ZFHX4: variants seen among roughly 807,000 people sequenced by gnomAD.
ZFHX4 encodes the protein zinc finger homeobox protein 4.
ZFHX4 carries 56 observed loss-of-function variants against 267.6 expected under a neutral mutation model. That is an observed-to-expected ratio of 0.21 (90% confidence interval 0.17 to 0.26). The LOEUF (loss-of-function observed/expected upper bound fraction) is 0.26. ZFHX4 is among the 10% of genes least tolerant of loss of function. The pLI, the probability that ZFHX4 is intolerant of heterozygous loss-of-function variation, is 1.00. For missense variants in ZFHX4, 4,332 were observed against 4,420.0 expected, an observed-to-expected ratio of 0.98 and a Z score of 0.56; for synonymous variants, 1,778 against 1,665.6, an observed-to-expected ratio of 1.07 and a Z score of -1.64.
rs569676669 is a variant in ZFHX4, at chr8:76,852,272, C to A, written c.5351C>A (p.Thr1784Asn). The change falls in exon 10 of 11, where the codon ACC becomes AAC. Residue 1784 changes from threonine to asparagine, a missense_variant. Thr to Asn is a moderately conservative substitution (Grantham distance 65, BLOSUM62 0). Coordinates refer to ENST00000651372, the MANE Select transcript of ZFHX4 (RefSeq NM_024721.5). Reference protein sequence around the residue: ...LLEDLKQQIQTQHHVGQTQLQ... With the variant: ...LLEDLKQQIQNQHHVGQTQLQ... ...GAAGACCTAAAGCAGCAGATTCAAA[C>A]CCAACATCACGTTGGTCAAACTCAA... The A allele has an allele frequency of 7.1e-5, 112 of 1,583,194 alleles. No homozygotes were observed. The South Asian group carries it at 1.2e-3, about 17-fold the overall frequency.
At chr8:76,801,885 A>G (rs1023953855) in intron 4 of ZFHX4, among the ~76,000 whole-genome samples, 5 of 152,180 alleles carry the variant, frequency 3.3e-5, no homozygotes, top group Non-Finnish European at 7.3e-5. Flanking sequence ...CTCAACCTAT[A>G]GCTGGACCAT....
Position 76,768,563 on chromosome 8 carries a change from TA to T in ZFHX4, c.3094-9642del, listed in dbSNP as rs1265334644. On this transcript the variant is annotated intron_variant, in intron 3 of 10. Coordinates refer to ENST00000651372, the MANE Select transcript of ZFHX4 (RefSeq NM_024721.5). The stretch of plus-strand genomic sequence containing the variant: ...AGATGCCTGGAGCAGGGAAGAGAAA[TA>T]AATCTGAGGGGGCACCCATGTGTCT... Among the ~76,000 whole-genome samples the T allele has an allele frequency of 3.9e-5, 6 of 152,162 alleles. No homozygotes were observed. The South Asian group carries it at 1.2e-3, about 32-fold the overall frequency.
At chr8:76,756,986 T>C (rs1230781291) in intron 3 of ZFHX4, among the ~76,000 whole-genome samples, 4 of 152,144 alleles carry the variant, frequency 2.6e-5, no homozygotes, top group African/African-American at 4.8e-5. Flanking sequence ...ATTTTTCCAA[T>C]AGCAGTGAAA....
At position 76,855,918 on chromosome 8, in the gene ZFHX4, A is replaced by G; in HGVS notation, c.8997A>G (p.Gln2999=). The G allele has an allele frequency of 6.2e-7, 1 of 1,613,876 alleles. No homozygotes were observed. Among genetic ancestry groups the G allele is most frequent in the South Asian group, 1.1e-5 (1 of 91,076 alleles). ...INIGKPFMIN[Q]GGTEGTKPEC... ...TAGGGAAGCCTTTCATGATCAATCAAGGCGGAACGGAAGGCACCAAACCAG... is the reference window on the plus strand; with the variant it reads ...TAGGGAAGCCTTTCATGATCAATCAGGGCGGAACGGAAGGCACCAAACCAG... Residue 2999 remains glutamine (Q), a synonymous_variant, in exon 10 of 11, where the codon CAA becomes CAG. Transcript: ENST00000651372.
chr8:76,707,648 A>G lies in ZFHX4; in HGVS notation c.2693A>G (p.Asp898Gly). 1 of 1,613,706 alleles carries G rather than the reference A, an allele frequency of 6.2e-7. No homozygotes were observed. Among genetic ancestry groups the G allele is most frequent in the Non-Finnish European group, 8.5e-7 (1 of 1,179,854 alleles). Residue 898 changes from aspartate to glycine, a missense_variant, in exon 3 of 11, where the codon GAC (aspartate) becomes GGC (glycine). Physicochemically the swap from Asp to Gly is moderately conservative, Grantham distance 94. Coordinates refer to ENST00000651372, the MANE Select transcript of ZFHX4 (RefSeq NM_024721.5). ...GGAGAGCTGTCACCTTATATCAGTG[A>G]CCCAGCGCTGAAGCTATTCCAGTGT... ...TAGELSPYIS[D>G]PALKLFQCAV...
At chr8:76,683,703 G>GT (rs1290443410) in intron 1 of ZFHX4, 1,436 of 141,650 alleles carry the variant, frequency 0.01, 6 homozygotes, top group Non-Finnish European at 0.014. Context: ...ACAGAGGAGG[G>GT]TTTTTTTTTT....
chr8:76,748,572 G>A (rs576876177), intron 3 of ZFHX4, among the ~76,000 whole-genome samples: 1 of 152,132 alleles, frequency 6.6e-6, no homozygotes, highest in African/African-American at 2.4e-5. Context: ...GTAGCTGGGG[G>A]TACAGGCACA....
chr8:76,841,704 C>A (rs1194525171), intron 5 of ZFHX4, among the ~76,000 whole-genome samples: 1 of 152,126 alleles, frequency 6.6e-6, no homozygotes, highest in African/African-American at 2.4e-5. Context: ...TTATGTAATT[C>A]CTACCTGAAC....
At chr8:76,709,251 A>G (rs1186575237) in intron 3 of ZFHX4, among the ~76,000 whole-genome samples, 1 of 152,112 alleles carries the variant, frequency 6.6e-6, no homozygotes, top group Non-Finnish European at 1.5e-5. Flanking sequence ...AATCCTAACG[A>G]CTCAGTGTGA....
At chr8:76,860,408 C>T (rs1812835183) in intron 10 of ZFHX4, among the ~76,000 whole-genome samples, 1 of 152,002 alleles carries the variant, frequency 6.6e-6, no homozygotes, top group Non-Finnish European at 1.5e-5. Flanking sequence ...TAGATAAAAA[C>T]ATGTAGACCC....
At chr8:76,818,641 G>A (rs1811566421) in intron 4 of ZFHX4, among the ~76,000 whole-genome samples, 1 of 152,104 alleles carries the variant, frequency 6.6e-6, no homozygotes, top group Non-Finnish European at 1.5e-5. Flanking sequence ...AACAGTCACG[G>A]TGGCTCACGC....
intron 4 of ZFHX4, among the ~76,000 whole-genome samples, chr8:76,802,204 C>T (rs986714015): frequency 3.9e-5 from 6 of 152,256 alleles, no homozygotes; most frequent in African/African-American, 1.2e-4. Context: ...TCAGGCAAGG[C>T]AGCCTTCAAG....
At chr8:76,782,410 T>C (rs1339559984) in intron 4 of ZFHX4, among the ~76,000 whole-genome samples, 1 of 151,956 alleles carries the variant, frequency 6.6e-6, no homozygotes, top group East Asian at 1.9e-4. Context: ...TGTGAGCGTA[T>C]TTAAAGATTA....
At chr8:76,711,251 C>T (rs888549386) in intron 3 of ZFHX4, among the ~76,000 whole-genome samples, 1 of 152,074 alleles carries the variant, frequency 6.6e-6, no homozygotes, top group African/African-American at 2.4e-5. Flanking sequence ...AAATCTTACC[C>T]ATTTCTTCAA....
intron 4 of ZFHX4, among the ~76,000 whole-genome samples, chr8:76,791,638 G>A (rs1002302279): frequency 8.5e-5 from 13 of 152,110 alleles, no homozygotes; most frequent in African/African-American, 2.4e-4. Context: ...AAGAAAAATC[G>A]CTCTACTATA....
rs1326988098 is a variant in ZFHX4, at chr8:76,853,088, C to T, written c.6167C>T (p.Pro2056Leu). 2.0e-6 allele frequency: 3 copies of T among 1,473,370 alleles called. No homozygotes were observed. The highest frequency in any genetic ancestry group is 2.8e-5 in the African/African-American group (2 of 70,522). The allele number at this position is 1,473,370 out of a possible 1,614,324, so 91.3% of individuals were successfully genotyped here. ...PPPPPPPPPP[P>L]PPPPPSAPPQ... is the part of the protein sequence containing the mutation. ...CCTCCTCCTCCTCCTCCTCCTCCCC[C>T]CCCACCTCCTCCACCTTCTGCTCCT... is the stretch of plus-strand genomic sequence containing the variant. The change falls in exon 10 of 11, where the codon CCC (proline) becomes CTC (leucine). Residue 2056 changes from proline to leucine, a missense_variant. Pro to Leu is a moderately conservative substitution (Grantham distance 98). Around this residue, in one of 7 missense-constraint regions of ZFHX4, gnomAD observed 1,371 missense variants for 1,423.1 expected, o/e 0.96. Transcript: ENST00000651372.
intron 3 of ZFHX4, chr8:76,708,393 G>A (rs181441754): frequency 6.5e-5 from 15 of 232,320 alleles, no homozygotes; most frequent in Middle Eastern, 1.7e-3. Flanking sequence ...ACCACTCTTG[G>A]CTAAATGTAA....
At chr8:76,797,916 GTGTC>G (rs1359896992) in intron 4 of ZFHX4, among the ~76,000 whole-genome samples, 39 of 150,604 alleles carry the variant, frequency 2.6e-4, no homozygotes, top group African/African-American at 7.3e-4. Context: ...GTGTGTGTGT[GTGTC>G]TGTGTGTCTG....
At chr8:76,758,557 C>T (rs549799139) in intron 3 of ZFHX4, among the ~76,000 whole-genome samples, 213 of 152,220 alleles carry the variant, frequency 1.4e-3, no homozygotes, top group African/African-American at 4.8e-3. Context: ...TGCAGTAGCA[C>T]GATCTCAGCT....
Sources: allele counts gnomAD v4.1 joint callset (sites outside exome capture counted in the v4.1 genomes callset), GRCh38; gene constraint gnomAD v4.1.1; regional missense constraint gnomAD v4.1.1; transcripts MANE v1.5; gene names NCBI Gene and HGNC (gene_info 2026-07-23, HGNC 2026-07-21).